The following MCMBP variants were observed in gnomAD, a reference collection of about 807,000 sequenced individuals.
MCMBP encodes minichromosome maintenance complex binding protein.
Under a neutral mutation model 81.3 loss-of-function variants are expected in MCMBP, and 31 were observed. The ratio of observed to expected loss-of-function variants is 0.38; its 90% confidence interval spans 0.29 to 0.51. The LOEUF is 0.51. Among genes scored for constraint, MCMBP ranks in the 20% least tolerant of loss-of-function variants. The pLI, the probability that MCMBP is intolerant of heterozygous loss-of-function variation, is 0.87. For synonymous variants in MCMBP, 267 were observed against 275.9 expected, an observed-to-expected ratio of 0.97 and a Z score of 0.32; for missense variants, 645 against 772.1, an observed-to-expected ratio of 0.84 and a Z score of 1.95.
chr10:119,842,660 A>AG (rs1852474218), intron 9 of MCMBP, 65 bp from the exon 10 acceptor site: 1 of 1,545,844 alleles, frequency 6.5e-7, no homozygotes, highest in Non-Finnish European at 8.7e-7. Context: ...GTCTTAGGTA[A>AG]AAAAATAACT....
intron 5 of MCMBP, among the ~76,000 whole-genome samples, chr10:119,855,529 G>A (rs190302321): frequency 3.3e-4 from 50 of 152,118 alleles, no homozygotes; most frequent in East Asian, 2.5e-3. Context: ...ACAATTAGCC[G>A]GGCATGGTGG....
chr10:119,872,388 G>T, intron 1 of MCMBP, 139 bp downstream of exon 1: 1 of 343,306 alleles, frequency 2.9e-6, no homozygotes, highest in Non-Finnish European at 4.7e-6. Flanking sequence ...AGCTGGGGCC[G>T]GTGCAGGCCC....
At chr10:119,871,563 T>C (rs1368688358) in intron 1 of MCMBP, among the ~76,000 whole-genome samples, 2 of 152,186 alleles carry the variant, frequency 1.3e-5, no homozygotes, top group East Asian at 1.9e-4. Flanking sequence ...TACCATACAT[T>C]GTTTGCCGTC....
chr10:119,865,058 G>A (rs1002901806), intron 1 of MCMBP, among the ~76,000 whole-genome samples: 5 of 152,158 alleles, frequency 3.3e-5, no homozygotes, highest in Non-Finnish European at 1.5e-5. Flanking sequence ...GTAGTTTTGT[G>A]TTGTTCAGTA....
intron 7 of MCMBP, 36 bp from the exon 8 acceptor site, chr10:119,847,749 C>T (rs374473596): frequency 5.5e-6 from 7 of 1,268,562 alleles, no homozygotes; most frequent in Middle Eastern, 1.9e-4. Context: ...ACTGTTAGAA[C>T]AGACACAAAG....
At chr10:119,865,687 A>G (rs913216641) in intron 1 of MCMBP, among the ~76,000 whole-genome samples, 7 of 152,228 alleles carry the variant, frequency 4.6e-5, no homozygotes, top group South Asian at 2.1e-4. Context: ...AGCAGTATTT[A>G]TAACAGCCAG....
At position 119,835,615 on chromosome 10, in the gene MCMBP, G is replaced by C. The variant is rs529084726; in HGVS notation, c.1632C>G (p.Ser544=). The C allele has an allele frequency of 6.2e-7, 1 of 1,614,170 alleles. No individual in the cohort carries two copies. Among genetic ancestry groups the C allele is most frequent in the East Asian group, 2.2e-5 (1 of 44,886 alleles). The change falls in exon 14 of 16, where the codon TCC becomes TCG. Residue 544 remains serine, a synonymous_variant. Coordinates refer to ENST00000369077, the MANE Select transcript of MCMBP (RefSeq NM_001256378.2). ...GATAAATGCGGAATTTGTTCAGCAC[G>C]GAAGGCAGCACCGCTGAGAGAAGGC... ...MNSLLSAVLP[S]VLNKFRIYLT...
chr10:119,862,034 C>T (rs767096195), intron 1 of MCMBP, among the ~76,000 whole-genome samples: 3 of 152,176 alleles, frequency 2.0e-5, no homozygotes, highest in Non-Finnish European at 4.4e-5. Flanking sequence ...TGGCTGGGTG[C>T]GGTGGCTCAC....
At chr10:119,857,313 G>A in intron 5 of MCMBP, 25 bp downstream of exon 5, 1 of 1,519,392 alleles carries the variant, frequency 6.6e-7, no homozygotes, top group East Asian at 2.3e-5. Flanking sequence ...CATCAACACA[G>A]TAAGAAAGTT....
chr10:119,861,210 A>G (rs1378514484), intron 1 of MCMBP, among the ~76,000 whole-genome samples: 2 of 152,236 alleles, frequency 1.3e-5, no homozygotes, highest in East Asian at 3.8e-4. Flanking sequence ...ATGTTTGAGC[A>G]GGACTTCCAA....
At chr10:119,854,169 G>A (rs1164485744) in intron 5 of MCMBP, among the ~76,000 whole-genome samples, 1 of 151,640 alleles carries the variant, frequency 6.6e-6, no homozygotes, top group African/African-American at 2.4e-5. Context: ...AGCCATGGGA[G>A]TAGCTGGAAC....
intron 6 of MCMBP, among the ~76,000 whole-genome samples, chr10:119,852,298 G>A (rs963649649): frequency 1.8e-4 from 27 of 151,264 alleles, no homozygotes; most frequent in African/African-American, 5.8e-4. Context: ...GCACATACTC[G>A]AATATATTAC....
Position 119,857,452 on chromosome 10 carries a change from TAA to T in MCMBP, c.328-15_328-14del, listed in dbSNP as rs749512167. 2.0e-6 allele frequency: 3 copies of T among 1,532,068 alleles called. No individual in the cohort carries two copies. The highest frequency in any genetic ancestry group is 8.8e-7 in the Non-Finnish European group (1 of 1,135,908). The allele number at this position is 1,532,068 out of a possible 1,614,324, so 94.9% of individuals were successfully genotyped here. On this transcript the variant is annotated splice_polypyrimidine_tract_variant and intron_variant, in intron 4 of 15. Coordinates refer to ENST00000369077, the MANE Select transcript of MCMBP (RefSeq NM_001256378.2). Reference sequence around the variant, plus strand: ...GTTCTTGTTGAGGCTGTGATATACATAAAAAGTGTTTTTAAAAATTTACTTTA... The same window carrying T: ...GTTCTTGTTGAGGCTGTGATATACATAAAGTGTTTTTAAAAATTTACTTTA...
chr10:119,872,439 C>G, intron 1 of MCMBP, 88 bp downstream of exon 1: 1 of 803,526 alleles, frequency 1.2e-6, no homozygotes, highest in Non-Finnish European at 1.6e-6. Context: ...CGAGATGGTA[C>G]CGCGTGGGGG....
chr10:119,851,918 C>T (rs867869163), intron 6 of MCMBP, among the ~76,000 whole-genome samples: 3 of 151,768 alleles, frequency 2.0e-5, no homozygotes, highest in East Asian at 1.9e-4. Flanking sequence ...TTTGGGAGGC[C>T]GAGGCAAGTG....
chr10:119,832,169 G>T, intron 14 of MCMBP, 69 bp from the exon 15 acceptor site: 1 of 1,383,690 alleles, frequency 7.2e-7, no homozygotes, highest in South Asian at 1.3e-5. Context: ...ATGGTTCCTT[G>T]ACTGATGTAG....
rs1853151594 is a variant in MCMBP at position 119,859,059 on chromosome 10, G to A, written c.267C>T (p.Asn89=). 1.9e-6 allele frequency: 3 copies of A among 1,613,484 alleles called. 1 individual carries two copies. The highest frequency in any genetic ancestry group is 2.2e-5 in the South Asian group (2 of 91,046). The change falls in exon 3 of 16, where the codon AAC becomes AAT. Residue 89 remains asparagine, a synonymous_variant. Coordinates refer to ENST00000369077, the MANE Select transcript of MCMBP (RefSeq NM_001256378.2). ...EFYMGVYETV[N]QNTKAHVLHF... ...TACTTACATGTGCTTTTGTGTTTTGGTTAACCGTTTCATAAACTCCCATGT... is the reference window on the plus strand; with the variant it reads ...TACTTACATGTGCTTTTGTGTTTTGATTAACCGTTTCATAAACTCCCATGT...
At position 119,858,992 on chromosome 10, in the gene MCMBP, T is replaced by C. The variant is rs1338540748; in HGVS notation, c.285+49A>G. On this transcript the variant is annotated intron_variant, in intron 3 of 15. Coordinates refer to ENST00000369077, the MANE Select transcript of MCMBP (RefSeq NM_001256378.2). ...TCTGAACCAAAACTACCACCAACAG[T>C]AAAAGGACAAAATTAATACCACAAA... The C allele has an allele frequency of 3.1e-6, 5 of 1,610,880 alleles. No homozygotes were observed. In the East Asian group the frequency reaches 6.7e-5, roughly 22 times the overall value.
chr10:119,859,263 G>A, intron 2 of MCMBP, 82 bp from the exon 3 acceptor site: 1 of 1,222,822 alleles, frequency 8.2e-7, no homozygotes, highest in South Asian at 1.4e-5. Flanking sequence ...TTTATATCCA[G>A]ACTCAAACTG....
Sources: allele counts gnomAD v4.1 joint callset (sites outside exome capture counted in the v4.1 genomes callset), GRCh38; gene constraint gnomAD v4.1.1; transcripts MANE v1.5; gene names NCBI Gene and HGNC (gene_info 2026-07-23, HGNC 2026-07-21).